PICK1: variants seen among roughly 807,000 people sequenced by gnomAD.
PICK1 encodes the protein protein interacting with PRKCA 1, also known as PRKCA-binding protein.
PICK1 carries 23 observed loss-of-function variants against 48.9 expected under a neutral mutation model. The observed-to-expected ratio is 0.47, with a 90% CI of 0.34 to 0.67. The LOEUF (loss-of-function observed/expected upper bound fraction) is 0.67, where lower values mean the gene tolerates loss of function less well. PICK1 is among the 30% of genes least tolerant of loss of function. The probability of loss-of-function intolerance (pLI) is 0.01; values close to 1 mark genes in which losing one functional copy is unlikely to be tolerated. For missense variants in PICK1, 423 were observed against 557.1 expected (o/e 0.76, Z 2.42); for synonymous variants, 217 against 228.2 (o/e 0.95, Z 0.44).
At position 38,074,161 on chromosome 22, in the gene PICK1, T is replaced by C; in HGVS notation, c.835-146T>C. The C allele has an allele frequency of 1.0e-6, 1 of 973,280 alleles. No homozygotes were observed. Among genetic ancestry groups the C allele is most frequent in the Admixed American group, 2.4e-5 (1 of 41,618 alleles). 60.3% of individuals were successfully genotyped at this position (973,280 alleles called of 1,614,324 possible). On this transcript the variant is annotated intron_variant, in intron 11 of 12. Coordinates refer to ENST00000356976, the MANE Select transcript of PICK1 (RefSeq NM_012407.4). This position sits in a 1 kb window ranked among gnomAD's most constrained non-coding sequence, Gnocchi z 4.5. ...GAGGTTTGGGTTTGGTTTTTTCCTC[T>C]CTTCAAAGCTATCACTGAGTGCTTC...
At chr22:38,068,980 G>C in intron 5 of PICK1, 53 bp from the exon 6 acceptor site, 1 of 1,455,854 alleles carries the variant, frequency 6.9e-7, no homozygotes, top group Non-Finnish European at 9.5e-7. Flanking sequence ...GCTGGGGGCA[G>C]GGATGGCCTC....
At chr22:38,067,302 G>A (rs35487141) in intron 4 of PICK1, among the ~76,000 whole-genome samples, 2 of 141,348 alleles carry the variant, frequency 1.4e-5, no homozygotes, top group Non-Finnish European at 3.0e-5. Flanking sequence ...CTGGGGCTTA[G>A]GATTCTTTTT....
At chr22:38,067,200 C>T (rs781581541) in intron 4 of PICK1, among the ~76,000 whole-genome samples, 11 of 152,074 alleles carry the variant, frequency 7.2e-5, no homozygotes, top group Middle Eastern at 3.2e-3. Flanking sequence ...CACTGATTCC[C>T]CAGGGCTTGG....
chr22:38,071,579 C>A lies in PICK1; in HGVS notation c.494-103C>A, dbSNP rs540767124. ...GTGGGGAAAGGCCATGTATCAGGGC[C>A]TAGCAGAGGCCTTGGGTGGCATGGG... On this transcript the variant is annotated intron_variant, in intron 7 of 12. Transcript: ENST00000356976. The A allele has an allele frequency of 7.2e-4, 738 of 1,024,260 alleles. 1 individual carries two copies. The highest frequency in any genetic ancestry group is 1.1e-3 in the Non-Finnish European group (703 of 644,140). The allele number at this position is 1,024,260 out of a possible 1,614,324, so 63.4% of individuals were successfully genotyped here. A position where few individuals can be genotyped will look rare whatever the true frequency, so the allele number is the denominator to read the frequency against.
rs375001291 is a variant in PICK1 at position 38,059,291 on chromosome 22, C to G, written c.99C>G (p.Ile33Met). The change falls in exon 3 of 13, where the codon ATC becomes ATG. Residue 33 changes from isoleucine to methionine, a missense_variant. Physicochemically the swap from Ile to Met is conservative, Grantham distance 10 (BLOSUM62 1). Coordinates refer to ENST00000356976, the MANE Select transcript of PICK1 (RefSeq NM_012407.4). ...VTLQKDAQNLIGISIGGGAQY... is the reference protein window; with the variant it reads ...VTLQKDAQNLMGISIGGGAQY... ...TGCAGAAGGATGCTCAGAACCTGAT[C>G]GGGATCAGCATTGGAGGAGGGGCCC... 6.3e-7 allele frequency: 1 copy of G among 1,579,330 alleles called. No individual in the cohort carries two copies.
rs1225380888 is a variant in PICK1 at position 38,074,664 on chromosome 22, G to C, written c.980-200G>C. Among the ~76,000 whole-genome samples, 1 of 152,208 alleles carries C rather than the reference G, an allele frequency of 6.6e-6. No homozygotes were observed. Among genetic ancestry groups the C allele is most frequent in the Admixed American group, 6.5e-5 (1 of 15,286 alleles). On this transcript the variant is annotated intron_variant, in intron 12 of 12. Transcript: ENST00000356976. The surrounding 1 kb of genome is among the most constrained non-coding windows in gnomAD (Gnocchi z 4.5). Reference sequence around the variant, plus strand: ...ATCCATTTACCCTGCAGCCTCCTGCGTTCCCTGAACTGGGAGCGGGGAGGC... The same window carrying C: ...ATCCATTTACCCTGCAGCCTCCTGCCTTCCCTGAACTGGGAGCGGGGAGGC...
At chr22:38,058,862 C>A (rs2085333320) in intron 2 of PICK1, among the ~76,000 whole-genome samples, 1 of 152,284 alleles carries the variant, frequency 6.6e-6, no homozygotes, top group African/African-American at 2.4e-5. Flanking sequence ...AAAAAATCAG[C>A]CAGGCGTGGT....
intron 2 of PICK1, among the ~76,000 whole-genome samples, chr22:38,058,820 C>A (rs13055597): frequency 0.33 from 50,668 of 151,778 alleles, 8,601 homozygotes; most frequent in East Asian, 0.4. Context: ...GCCTGGCCAA[C>A]ATGGTGAAAC....
intron 3 of PICK1, among the ~76,000 whole-genome samples, chr22:38,063,073 C>T (rs901612345): frequency 1.3e-5 from 2 of 152,074 alleles, no homozygotes; most frequent in African/African-American, 2.4e-5. Flanking sequence ...TCCTTCTTGT[C>T]ATGTATCTCG....
At chr22:38,072,135 T>G in intron 8 of PICK1, 5 of 495,996 alleles carry the variant, frequency 1.0e-5, no homozygotes, top group Non-Finnish European at 1.8e-5. Context: ...TCCAGGTGTC[T>G]AGACTCGGAC....
rs2085815165 is a variant in PICK1 at position 38,075,309 on chromosome 22, G to A, written c.*177G>A. ...GGCTCCTGCCCAGGACAGGCACCAGGGTCATGGCCTGGGACCTGGACACTG... is the reference window on the plus strand; with the variant it reads ...GGCTCCTGCCCAGGACAGGCACCAGAGTCATGGCCTGGGACCTGGACACTG... On this transcript the variant is annotated 3_prime_UTR_variant, in exon 13 of 13. Transcript: ENST00000356976. 1.6e-6 allele frequency: 1 copy of A among 637,982 alleles called. No homozygotes were observed. The highest frequency in any genetic ancestry group is 2.0e-5 in the South Asian group (1 of 49,478). 39.5% of individuals were successfully genotyped at this position (637,982 alleles called of 1,614,324 possible).
intron 7 of PICK1, among the ~76,000 whole-genome samples, 153 bp downstream of exon 7, chr22:38,071,044 T>C (rs2085668556): frequency 6.6e-6 from 1 of 152,190 alleles, no homozygotes; most frequent in African/African-American, 2.4e-5. Flanking sequence ...ATACTTCTTC[T>C]GAATTTAAAA....
In PICK1 at chr22:38,074,451, G is replaced by A; in HGVS notation, c.979G>A (p.Val327Ile). 1 of 1,613,086 alleles carries A rather than the reference G, an allele frequency of 6.2e-7. No homozygotes were observed. Among genetic ancestry groups the A allele is most frequent in the African/African-American group, 1.3e-5 (1 of 75,038 alleles). ...EKMELLDQKH[V>I]QDIVFQLQRL... is the part of the protein sequence containing the mutation. ...GATGGAGCTGCTGGACCAGAAGCAC[G>A]GTGAGCGCCGCCCTCCTCCCCGTCC... Residue 327 changes from valine (V) to isoleucine (I), a missense_variant and splice_region_variant, in exon 12 of 13, where the codon GTC becomes ATC. Transcript: ENST00000356976. This position sits in a 1 kb window ranked among gnomAD's most constrained non-coding sequence, Gnocchi z 4.5.
rs1245280642 is a variant in PICK1, at chr22:38,075,054, G to A, written c.1170G>A (p.Thr390=). 1 of 1,613,102 alleles carries A rather than the reference G, an allele frequency of 6.2e-7. No individual in the cohort carries two copies. The highest frequency in any genetic ancestry group is 8.5e-7 in the Non-Finnish European group (1 of 1,179,986). The change falls in exon 13 of 13, where the codon ACG becomes ACA. Residue 390 remains threonine, a synonymous_variant. Coordinates refer to ENST00000356976, the MANE Select transcript of PICK1 (RefSeq NM_012407.4). ...DGEEEEEEED[T]AAGEPSRDTR... The stretch of plus-strand genomic sequence containing the variant: ...AGGAGGAGGAGGAGGAGGAAGACAC[G>A]GCAGCTGGGGAGCCGTCCAGGGATA...
At chr22:38,069,203 C>A in intron 6 of PICK1, 81 bp downstream of exon 6, 1 of 1,033,552 alleles carries the variant, frequency 9.7e-7, no homozygotes, top group Non-Finnish European at 1.5e-6. Flanking sequence ...GGCTGCCCAC[C>A]AAGCTGCTGT....
chr22:38,073,738 G>A lies in PICK1; in HGVS notation c.784-35G>A. ...GAGCTGGGGACCTGGGGTGGGGGTAGTAGCCACTCTGACAGCCTCACCTGT... is the reference window on the plus strand; with the variant it reads ...GAGCTGGGGACCTGGGGTGGGGGTAATAGCCACTCTGACAGCCTCACCTGT... On this transcript the variant is annotated intron_variant, in intron 10 of 12. Coordinates refer to ENST00000356976, the MANE Select transcript of PICK1 (RefSeq NM_012407.4). This position sits in a 1 kb window ranked among gnomAD's most constrained non-coding sequence, Gnocchi z 5.7. The A allele has an allele frequency of 6.2e-7, 1 of 1,604,408 alleles. No individual in the cohort carries two copies. The highest frequency in any genetic ancestry group is 8.5e-7 in the Non-Finnish European group (1 of 1,172,702).
In PICK1 at chr22:38,075,190, G is replaced by A. The variant is rs1320923739; in HGVS notation, c.*58G>A. 5.2e-6 allele frequency: 8 copies of A among 1,541,572 alleles called. No homozygotes were observed. The South Asian group carries it at 5.9e-5, about 11-fold the overall frequency. ...GCGTGGGAGGACGGAGCCTGGGAGC[G>A]GGGCGGGGCCGCCGCGCAAGGGGGC... On this transcript the variant is annotated 3_prime_UTR_variant, in exon 13 of 13. Coordinates refer to ENST00000356976, the MANE Select transcript of PICK1 (RefSeq NM_012407.4).
In PICK1 at chr22:38,073,110, C is replaced by A; in HGVS notation, c.783+18C>A. The A allele has an allele frequency of 2.0e-6, 3 of 1,537,910 alleles. No homozygotes were observed. The highest frequency in any genetic ancestry group is 2.7e-6 in the Non-Finnish European group (3 of 1,110,778). Reference sequence around the variant, plus strand: ...AGTACCTGGTGAGTAGTCCAGGTGCCCAGGCTGCTAGGGCAAGCGCCCACC... The same window carrying A: ...AGTACCTGGTGAGTAGTCCAGGTGCACAGGCTGCTAGGGCAAGCGCCCACC... On this transcript the variant is annotated intron_variant, in intron 10 of 12. Coordinates refer to ENST00000356976, the MANE Select transcript of PICK1 (RefSeq NM_012407.4). This position sits in a 1 kb window ranked among gnomAD's most constrained non-coding sequence, Gnocchi z 5.7.
intron 3 of PICK1, among the ~76,000 whole-genome samples, chr22:38,060,071 C>T (rs2085361697): frequency 6.6e-6 from 1 of 152,082 alleles, no homozygotes; most frequent in Admixed American, 6.5e-5. Context: ...ATTAGCTGGG[C>T]GTGGTGGTGC....
Sources: gnomAD v4.1 joint callset for allele counts (sites outside exome capture counted in the v4.1 genomes callset) on GRCh38, gnomAD v4.1.1 for gene constraint, Gnocchi (gnomAD v3.1) non-coding constraint, MANE v1.5 for transcripts, NCBI Gene and HGNC (gene_info 2026-07-23, HGNC 2026-07-21) for gene names.